NBAS: variants seen among roughly 807,000 people sequenced by gnomAD.
NBAS encodes the protein NBAS subunit of NRZ tethering complex, also known as NAG/BC035112 fusion.
A neutral mutation model predicts 302.5 loss-of-function variants in NBAS; 219 were observed. The ratio of observed to expected loss-of-function variants is 0.72; its 90% CI spans 0.65 to 0.81. NBAS has a LOEUF of 0.81. Among genes scored for constraint, NBAS ranks in the 30% least tolerant of loss-of-function variants. The pLI, the probability that NBAS is intolerant of heterozygous loss-of-function variation, is 0.00. For synonymous variants in NBAS, 1,118 were observed against 1,021.6 expected (o/e 1.09, Z -1.80); for missense variants, 2,932 against 2,841.6 (o/e 1.03, Z -0.72).
intron 29 of NBAS, among the ~76,000 whole-genome samples, chr2:15,382,840 G>T (rs1470127387): frequency 5.3e-5 from 8 of 152,188 alleles, no homozygotes. Flanking sequence ...CAGAGAGTTG[G>T]AAGTAGGGAA....
At chr2:15,033,987 A>AGAG in the NBAS span, among the ~76,000 whole-genome samples, 34 of 35,690 alleles carry the variant, frequency 9.5e-4, no homozygotes, top group Admixed American at 6.4e-3. Context: ...AGGAAGAGGA[A>AGAG]GAAGAAGAAG....
At chr2:15,089,506 T>C in the NBAS span, among the ~76,000 whole-genome samples, 19,823 of 151,950 alleles carry the variant, frequency 0.13, 1,551 homozygotes, top group African/African-American at 0.22. Flanking sequence ...AGTTTAGAGC[T>C]AGGGCCACAG....
intron 41 of NBAS, among the ~76,000 whole-genome samples, chr2:15,287,873 C>T (rs1407444260): frequency 6.6e-6 from 1 of 151,650 alleles, no homozygotes; most frequent in Non-Finnish European, 1.5e-5. Flanking sequence ...CCTGAGCACC[C>T]CGTGTAGGCA....
the NBAS span, among the ~76,000 whole-genome samples, chr2:15,081,696 T>C: frequency 9.8e-5 from 15 of 152,310 alleles, no homozygotes; most frequent in African/African-American, 3.6e-4. Flanking sequence ...GTAATTATGG[T>C]CAGGGGTCTC....
intron 9 of NBAS, among the ~76,000 whole-genome samples, chr2:15,526,413 T>C (rs575334239): frequency 6.6e-6 from 1 of 152,344 alleles, no homozygotes; most frequent in African/African-American, 2.4e-5. Flanking sequence ...AAAATCCTGT[T>C]TGTATATTAC....
intron 25 of NBAS, among the ~76,000 whole-genome samples, chr2:15,412,493 T>C (rs948141703): frequency 1.3e-5 from 2 of 152,232 alleles, no homozygotes; most frequent in Non-Finnish European, 2.9e-5. Context: ...TAGATGTCAC[T>C]TGTTAATGTA....
intron 12 of NBAS, among the ~76,000 whole-genome samples, chr2:15,487,846 A>G (rs1487760751): frequency 6.6e-6 from 1 of 152,256 alleles, no homozygotes; most frequent in Non-Finnish European, 1.5e-5. Context: ...TCTAGATCCA[A>G]TAAGGGAGAA....
intron 35 of NBAS, among the ~76,000 whole-genome samples, chr2:15,337,343 T>C (rs963311506): frequency 1.4e-4 from 22 of 151,832 alleles, no homozygotes; most frequent in East Asian, 7.8e-4. Flanking sequence ...AGACCACAAA[T>C]TGGGTTCAGT....
chr2:15,334,300 C>T (rs1042690310), intron 35 of NBAS, among the ~76,000 whole-genome samples: 1 of 152,002 alleles, frequency 6.6e-6, no homozygotes, highest in African/African-American at 2.4e-5. Flanking sequence ...TGCCATTCTC[C>T]TGCCTCAGCC....
chr2:15,084,835 C>A, the NBAS span, among the ~76,000 whole-genome samples: 1 of 152,206 alleles, frequency 6.6e-6, no homozygotes, highest in Non-Finnish European at 1.5e-5. Context: ...AACAAATTAT[C>A]CTCGAAGACT....
At chr2:15,108,172 A>G in the NBAS span, among the ~76,000 whole-genome samples, 1 of 152,150 alleles carries the variant, frequency 6.6e-6, no homozygotes, top group African/African-American at 2.4e-5. Flanking sequence ...TTGTGTGAAC[A>G]TATGTTTTCA....
chr2:15,343,651 A>G (rs186339327), intron 35 of NBAS, among the ~76,000 whole-genome samples: 1 of 152,234 alleles, frequency 6.6e-6, no homozygotes, highest in East Asian at 1.9e-4. Context: ...TCACCTTTTT[A>G]CAGATGGATA....
At chr2:15,252,197 T>C (rs1252606505) in intron 44 of NBAS, among the ~76,000 whole-genome samples, 1 of 152,168 alleles carries the variant, frequency 6.6e-6, no homozygotes, top group East Asian at 1.9e-4. Flanking sequence ...AGACTTTTTT[T>C]CTTTTAAAAA....
chr2:15,538,720 T>C (rs1334952330), intron 7 of NBAS, among the ~76,000 whole-genome samples: 1 of 152,206 alleles, frequency 6.6e-6, no homozygotes, highest in Non-Finnish European at 1.5e-5. Context: ...CACTCAATCT[T>C]AGTTTTCTAG....
At chr2:14,925,246 C>T in the NBAS span, among the ~76,000 whole-genome samples, 1 of 152,140 alleles carries the variant, frequency 6.6e-6, no homozygotes, top group South Asian at 2.1e-4. Context: ...TTTCCATATA[C>T]AGAGGTCTCA....
intron 9 of NBAS, 59 bp downstream of exon 9, chr2:15,534,484 T>C: frequency 8.1e-7 from 1 of 1,230,684 alleles, no homozygotes; most frequent in South Asian, 1.2e-5. Context: ...GTTTCTTCTA[T>C]CTGAATCTAT....
intron 29 of NBAS, 127 bp downstream of exon 29, chr2:15,383,088 C>T (rs1675119420): frequency 1.3e-6 from 1 of 770,884 alleles, no homozygotes; most frequent in Non-Finnish European, 2.1e-6. Flanking sequence ...AAGCACTAGT[C>T]AGTTATTAGC....
intron 44 of NBAS, among the ~76,000 whole-genome samples, chr2:15,268,060 T>C (rs899114634): frequency 1.3e-5 from 2 of 152,226 alleles, no homozygotes; most frequent in South Asian, 4.1e-4. Context: ...TAAGGTTTTA[T>C]AATTTATTGT....
chr2:15,503,852 T>C (rs539519801), intron 11 of NBAS, among the ~76,000 whole-genome samples: 142 of 152,284 alleles, frequency 9.3e-4, no homozygotes, highest in Non-Finnish European at 1.2e-3. Context: ...TTCAAAGATA[T>C]GTATATAATG....
Sources: allele counts gnomAD v4.1 joint callset (sites outside exome capture counted in the v4.1 genomes callset), GRCh38; gene constraint gnomAD v4.1.1; transcripts MANE v1.5; gene names NCBI Gene and HGNC (gene_info 2026-07-23, HGNC 2026-07-21).